ARHGEF1: variants seen among roughly 807,000 people sequenced by gnomAD.
ARHGEF1 encodes 115 kDa guanine nucleotide exchange factor.
In ARHGEF1, 40 loss-of-function variants were observed where a neutral mutation model predicts 119.7. The ratio of observed to expected loss-of-function variants is 0.33; its 90% CI spans 0.26 to 0.44. The LOEUF (loss-of-function observed/expected upper bound fraction) is 0.44, where lower values mean the gene tolerates loss of function less well. Ranked by LOEUF, ARHGEF1 falls within the 20% of genes least tolerant of loss-of-function variation. The probability of loss-of-function intolerance (pLI) is 1.00; values close to 1 mark genes in which losing one functional copy is unlikely to be tolerated. For missense variants in ARHGEF1, 976 were observed against 1,268.3 expected (o/e 0.77, Z 3.50); for synonymous variants, 494 against 521.0 (o/e 0.95, Z 0.71).
Position 41,885,588 on chromosome 19 carries a change from A to T in ARHGEF1, c.-20+2299A>T, listed in dbSNP as rs916910277. Among the ~76,000 whole-genome samples, 5 of 151,926 alleles carry T rather than the reference A, an allele frequency of 3.3e-5. No individual in the cohort carries two copies. In the South Asian group the frequency reaches 8.3e-4, roughly 25 times the overall value. On this transcript the variant is annotated intron_variant, in intron 1 of 28. Coordinates refer to ENST00000354532, the MANE Select transcript of ARHGEF1 (RefSeq NM_004706.4). ...GCGATTCTCCTGCCTCAGCCTCCCG[A>T]GTAGCTGGGACTACAGGCTCGTGCC...
Position 41,902,151 on chromosome 19 carries a change from G to A in ARHGEF1, c.1414+118G>A, listed in dbSNP as rs2074614429. On this transcript the variant is annotated intron_variant, in intron 15 of 28. Coordinates refer to ENST00000354532, the MANE Select transcript of ARHGEF1 (RefSeq NM_004706.4). This position sits in a 1 kb window ranked among gnomAD's most constrained non-coding sequence, Gnocchi z 6.5. ...GTTCACATGGGGTGGGGGCAGATAC[G>A]CCATCCGGTCCCGAGGATCAGACAC... The A allele has an allele frequency of 6.4e-7, 1 of 1,551,282 alleles. No homozygotes were observed. The highest frequency in any genetic ancestry group is 8.8e-7 in the Non-Finnish European group (1 of 1,136,960).
In ARHGEF1 at chr19:41,905,237, C is replaced by T. The variant is rs782446845; in HGVS notation, c.2312C>T (p.Pro771Leu). 3.1e-6 allele frequency: 5 copies of T among 1,613,788 alleles called. No homozygotes were observed. In the South Asian group the frequency reaches 5.5e-5, roughly 18 times the overall value. ...SLKVPAPASRPKPRPSPSSTR... is the reference protein window; with the variant it reads ...SLKVPAPASRLKPRPSPSSTR... ...AAAGTCCCTGCCCCTGCCTCTCGCCCTAAGCCCCGGCCCAGCCCGAGCAGG... is the reference window on the plus strand; with the variant it reads ...AAAGTCCCTGCCCCTGCCTCTCGCCTTAAGCCCCGGCCCAGCCCGAGCAGG... The change falls in exon 24 of 29, where the codon CCT (proline) becomes CTT (leucine). Residue 771 changes from proline (P) to leucine (L), a missense_variant. By Grantham distance (98) the Pro-to-Leu change is moderately conservative. Transcript: ENST00000354532. This position sits in a 1 kb window ranked among gnomAD's most constrained non-coding sequence, Gnocchi z 6.4.
chr19:41,888,829 G>A lies in ARHGEF1; in HGVS notation c.189G>A (p.Leu63=). The part of the protein sequence containing the change: ...KRRPAHLMAL[L]QHVALQFEPG... Reference sequence around the variant, plus strand: ...GCCCAGCCCACCTCATGGCCCTCCTGCAGCACGTGGCCCTGCAGTTTGAGC... The same window carrying A: ...GCCCAGCCCACCTCATGGCCCTCCTACAGCACGTGGCCCTGCAGTTTGAGC... Residue 63 remains leucine, a synonymous_variant, in exon 4 of 29, where the codon CTG becomes CTA. Coordinates refer to ENST00000354532, the MANE Select transcript of ARHGEF1 (RefSeq NM_004706.4). The surrounding 1 kb of genome is among the most constrained non-coding windows in gnomAD (Gnocchi z 5.1). The A allele has an allele frequency of 6.2e-7, 1 of 1,614,200 alleles. No homozygotes were observed. Among genetic ancestry groups the A allele is most frequent in the Non-Finnish European group, 8.5e-7 (1 of 1,180,018 alleles).
chr19:41,926,578 C>A (rs929577198), intron 1 of ARHGEF1, among the ~76,000 whole-genome samples: 1 of 152,146 alleles, frequency 6.6e-6, no homozygotes, highest in Non-Finnish European at 1.5e-5. Context: ...GGGTCCCTCC[C>A]GTGGCTCTGG....
Position 41,901,918 on chromosome 19 carries a change from C to T in ARHGEF1, c.1299C>T (p.Arg433=). Residue 433 remains arginine (R), a synonymous_variant, in exon 15 of 29, where the codon CGC becomes CGT. Transcript: ENST00000354532. ...TGGTGACAGAGGCGGCCCACGTGCG[C>T]ATGCTGCGGGTGCTGCACGACCTCT... ...ELLVTEAAHV[R]MLRVLHDLFF... 2 of 1,612,896 alleles carry T rather than the reference C, an allele frequency of 1.2e-6. No individual in the cohort carries two copies. The highest frequency in any genetic ancestry group is 1.7e-6 in the Non-Finnish European group (2 of 1,180,028).
At chr19:41,909,282 G>A, downstream of ARHGEF1, 1 of 1,233,350 alleles carries the variant, frequency 8.1e-7, no homozygotes, top group South Asian at 4.1e-5. This position sits in a 1 kb window ranked among gnomAD's most constrained non-coding sequence, Gnocchi z 5.2. Flanking sequence ...TCACCTCAGG[G>A]GTGAGGGGAG....
At chr19:41,908,558 A>C (rs989102612), downstream of ARHGEF1, 18 of 1,231,614 alleles carry the variant, frequency 1.5e-5, no homozygotes, top group African/African-American at 1.9e-4. This position sits in a 1 kb window ranked among gnomAD's most constrained non-coding sequence, Gnocchi z 6.7. Context: ...GGGGGTAGAG[A>C]GAGGGAGGCA....
In ARHGEF1 at chr19:41,902,183, A is replaced by T; in HGVS notation, c.1415-91A>T. On this transcript the variant is annotated intron_variant, in intron 15 of 28. Coordinates refer to ENST00000354532, the MANE Select transcript of ARHGEF1 (RefSeq NM_004706.4). The surrounding 1 kb of genome is among the most constrained non-coding windows in gnomAD (Gnocchi z 6.5). ...GGTCCCGAGGATCAGACACAGACACACCTGCAGCCCTACCCCCACCACACC... is the reference window on the plus strand; with the variant it reads ...GGTCCCGAGGATCAGACACAGACACTCCTGCAGCCCTACCCCCACCACACC... The T allele has an allele frequency of 6.4e-7, 1 of 1,565,788 alleles. No homozygotes were observed. The highest frequency in any genetic ancestry group is 8.7e-7 in the Non-Finnish European group (1 of 1,142,870).
intron 28 of ARHGEF1, 70 bp from the exon 29 acceptor site, chr19:41,907,035 C>A: frequency 7.3e-7 from 1 of 1,375,734 alleles, no homozygotes; most frequent in Non-Finnish European, 9.6e-7. Flanking sequence ...CCTGTCTTGT[C>A]TCTGTGTCTG....
At chr19:41,911,882 TGACA>T (rs1298716077), downstream of ARHGEF1, among the ~76,000 whole-genome samples, 2 of 151,300 alleles carry the variant, frequency 1.3e-5, no homozygotes, top group African/African-American at 2.4e-5. Flanking sequence ...CACACACATG[TGACA>T]GACAAACCCC....
In ARHGEF1 at chr19:41,903,290, C is replaced by T; in HGVS notation, c.1739-17C>T. On this transcript the variant is annotated splice_polypyrimidine_tract_variant and intron_variant, in intron 18 of 28. Transcript: ENST00000354532. The surrounding 1 kb of genome is among the most constrained non-coding windows in gnomAD (Gnocchi z 4.2). The stretch of plus-strand genomic sequence containing the variant: ...AGGGCAGGGGTTCACCAGAGCTGCT[C>T]TCTCCCTTGCCTGCAGAAGAGCCCA... 1 of 1,612,034 alleles carries T rather than the reference C, an allele frequency of 6.2e-7. No homozygotes were observed. Among genetic ancestry groups the T allele is most frequent in the Non-Finnish European group, 8.5e-7 (1 of 1,178,420 alleles).
chr19:41,913,379 G>GTC (rs1217352410), intron 18 of ARHGEF1, among the ~76,000 whole-genome samples: 4 of 151,274 alleles, frequency 2.6e-5, no homozygotes, highest in African/African-American at 7.3e-5. Context: ...GTCTCCCTCT[G>GTC]TCTCTCTCTC....
intron 12 of ARHGEF1, 46 bp from the exon 13 acceptor site, chr19:41,896,331 T>TG (rs201715322): frequency 4.8e-6 from 5 of 1,033,812 alleles, no homozygotes; most frequent in African/African-American, 2.7e-5. Context: ...GTGGGTCTCG[T>TG]GGCCGCAGAG....
At chr19:41,901,863 C>T (rs1555849062) in intron 14 of ARHGEF1, 24 bp from the exon 15 acceptor site, 1 of 1,604,218 alleles carries the variant, frequency 6.2e-7, no homozygotes, top group Admixed American at 1.7e-5. Context: ...CCCCAACATG[C>T]TTCCTGCTTT....
Position 41,907,346 on chromosome 19 carries a change from G to C in ARHGEF1, c.*259G>C, listed in dbSNP as rs561969087. 1 of 1,535,402 alleles carries C rather than the reference G, an allele frequency of 6.5e-7. No individual in the cohort carries two copies. The highest frequency in any genetic ancestry group is 1.4e-5 in the African/African-American group (1 of 73,098). ...CACCACGGTGACCCGGGCCATCTCA[G>C]TATTGCCTGTGGGGGCCACCCCTCC... On this transcript the variant is annotated 3_prime_UTR_variant, in exon 29 of 29. Transcript: ENST00000354532.
chr19:41,892,049 C>T lies in ARHGEF1; in HGVS notation c.250C>T (p.Leu84=). 6.2e-7 allele frequency: 1 copy of T among 1,611,858 alleles called. No homozygotes were observed. The highest frequency in any genetic ancestry group is 8.5e-7 in the Non-Finnish European group (1 of 1,178,448). ...PLLCCLHADM[L]GSLGPKEAKK... is the part of the protein sequence containing the mutation. ...GCTTTGCTGTCTGCATGCCGACATG[C>T]TGGGCTCACTGGGCCCCAAGGAGGC... is the stretch of plus-strand genomic sequence containing the variant. The change falls in exon 5 of 29, where the codon CTG becomes TTG. Residue 84 remains leucine (L), a synonymous_variant. Transcript: ENST00000354532. The surrounding 1 kb of genome is among the most constrained non-coding windows in gnomAD (Gnocchi z 6.3).
At chr19:41,926,164 G>C (rs2074869435) in intron 1 of ARHGEF1, among the ~76,000 whole-genome samples, 1 of 152,020 alleles carries the variant, frequency 6.6e-6, no homozygotes, top group Non-Finnish European at 1.5e-5. Context: ...TCCAGTGGAA[G>C]GGGCAGATTT....
intron 13 of ARHGEF1, chr19:41,897,191 G>A (rs1468800681): frequency 2.0e-6 from 2 of 984,082 alleles, no homozygotes; most frequent in Non-Finnish European, 1.4e-6. Context: ...CCTTACAGCT[G>A]GGGGGCAGGC....
chr19:41,912,767 G>A (rs1555851373), intron 18 of ARHGEF1: 4 of 463,386 alleles, frequency 8.6e-6, no homozygotes, highest in African/African-American at 2.0e-5. Flanking sequence ...AGTGAGACAC[G>A]TGGAGACACG....
Sources: gnomAD v4.1 joint callset for allele counts (sites outside exome capture counted in the v4.1 genomes callset) on GRCh38, gnomAD v4.1.1 for gene constraint, Gnocchi (gnomAD v3.1) non-coding constraint, MANE v1.5 for transcripts, NCBI Gene and HGNC (gene_info 2026-07-23, HGNC 2026-07-21) for gene names.